The following MRPS18A variants were observed in gnomAD, a reference collection of about 807,000 sequenced individuals.
MRPS18A encodes the protein large ribosomal subunit protein mL66.
In MRPS18A, 20 loss-of-function variants were observed where a neutral mutation model predicts 22.7. That is an observed-to-expected ratio of 0.88 (90% CI 0.62 to 1.28). The LOEUF is 1.28. Among genes scored for constraint, MRPS18A ranks in the 50% most tolerant of loss-of-function variants. MRPS18A has a pLI of 0.00. For missense variants in MRPS18A, 294 were observed against 262.6 expected (o/e 1.12, Z -0.83); for synonymous variants, 106 against 99.1 (o/e 1.07, Z -0.41).
intron 5 of MRPS18A, chr6:43,672,422 G>A (rs752346385): frequency 1.5e-5 from 7 of 471,150 alleles, no homozygotes; most frequent in Non-Finnish European, 2.6e-5. Flanking sequence ...GCCCGTGGGC[G>A]CAGCCCTAGC....
At chr6:43,686,358 T>C (rs558105633) in intron 1 of MRPS18A, among the ~76,000 whole-genome samples, 33 of 152,366 alleles carry the variant, frequency 2.2e-4, no homozygotes, top group Middle Eastern at 6.8e-3. Context: ...CTCTCTATCA[T>C]CTGCATGATT....
At chr6:43,675,793 T>C (rs1774022044) in intron 3 of MRPS18A, among the ~76,000 whole-genome samples, 176 bp from the exon 4 acceptor site, 1 of 151,950 alleles carries the variant, frequency 6.6e-6, no homozygotes, top group Non-Finnish European at 1.5e-5. Flanking sequence ...CAAAGGTTAA[T>C]CCCAACTTAG....
chr6:43,680,599 T>A (rs1307077513), intron 2 of MRPS18A, among the ~76,000 whole-genome samples: 2 of 152,192 alleles, frequency 1.3e-5, no homozygotes, highest in Admixed American at 1.3e-4. Context: ...TGTTCCAACT[T>A]TCTTACCAAC....
chr6:43,678,759 G>A lies in MRPS18A; in HGVS notation c.145-134C>T, dbSNP rs1774212969. ...GGGGTTCTTGTGGGAGTAGCTAAGA[G>A]GTTTCTCTGCCTGAACTGTGGTGTT... On this transcript the variant is annotated intron_variant, in intron 2 of 5. Transcript: ENST00000372133. 15 of 646,474 alleles carry A rather than the reference G, an allele frequency of 2.3e-5. No homozygotes were observed. The South Asian group carries it at 2.5e-4, about 11-fold the overall frequency. The allele number at this position is 646,474 out of a possible 1,614,324, so 40.0% of individuals were successfully genotyped here. A position where few individuals can be genotyped will look rare whatever the true frequency, so the allele number is the denominator to read the frequency against.
chr6:43,681,203 T>C (rs886398718), intron 1 of MRPS18A, 83 bp from the exon 2 acceptor site: 5 of 1,433,138 alleles, frequency 3.5e-6, no homozygotes. Flanking sequence ...ATTCTACACA[T>C]CTGGAAAAAA....
chr6:43,687,228 G>A (rs1774755912), intron 1 of MRPS18A, among the ~76,000 whole-genome samples: 1 of 152,166 alleles, frequency 6.6e-6, no homozygotes, highest in Non-Finnish European at 1.5e-5. Context: ...GGCAGAGAAC[G>A]CCGCCATCAG....
At chr6:43,682,115 C>T (rs1298150550) in intron 1 of MRPS18A, among the ~76,000 whole-genome samples, 1 of 152,094 alleles carries the variant, frequency 6.6e-6, no homozygotes, top group East Asian at 1.9e-4. Flanking sequence ...GACCAGCCTG[C>T]GCAATGTGGC....
At chr6:43,680,462 A>G (rs1219621219) in intron 2 of MRPS18A, among the ~76,000 whole-genome samples, 1 of 152,194 alleles carries the variant, frequency 6.6e-6, no homozygotes, top group Non-Finnish European at 1.5e-5. Context: ...GGAGGCATAG[A>G]AGGCCATGTG....
chr6:43,671,514 G>A lies in MRPS18A; in HGVS notation c.*248C>T. On this transcript the variant is annotated 3_prime_UTR_variant, in exon 6 of 6. Transcript: ENST00000372133. ...GCAAAACTCCTGTCCCCAGCACTGA[G>A]CATGGCCTAAGCCCCATAGCAGCTG... 1 of 562,654 alleles carries A rather than the reference G, an allele frequency of 1.8e-6. No homozygotes were observed. The highest frequency in any genetic ancestry group is 2.0e-5 in the South Asian group (1 of 49,566). 34.9% of individuals were successfully genotyped at this position (562,654 alleles called of 1,614,324 possible).
intron 3 of MRPS18A, 150 bp downstream of exon 3, chr6:43,678,368 G>A: frequency 1.6e-6 from 1 of 617,186 alleles, no homozygotes; most frequent in Non-Finnish European, 2.9e-6. Flanking sequence ...TGTGCAGCCA[G>A]GGTTGAGAAC....
chr6:43,675,618 CT>C lies in MRPS18A; in HGVS notation c.253-2del, dbSNP rs866864847. On this transcript the variant is annotated splice_acceptor_variant, in intron 3 of 5. Transcript: ENST00000372133. LOFTEE classifies it high-confidence loss of function. ...TGAACTGGCTAAGCAGCAGAACATC[CT>C]AGTGGAAACCGAAAATAGGGGATGA... The C allele has an allele frequency of 1.2e-6, 2 of 1,602,368 alleles. No individual in the cohort carries two copies. The highest frequency in any genetic ancestry group is 1.3e-5 in the African/African-American group (1 of 74,654).
intron 3 of MRPS18A, 109 bp downstream of exon 3, chr6:43,678,409 T>C (rs1345896893): frequency 2.5e-6 from 2 of 806,518 alleles, no homozygotes; most frequent in South Asian, 3.0e-5. Context: ...TCTCTGGTGG[T>C]TCCATGAAAT....
At position 43,678,624 on chromosome 6, in the gene MRPS18A, A is replaced by C; in HGVS notation, c.146T>G (p.Ile49Ser). Residue 49 changes from isoleucine to serine, a missense_variant and splice_region_variant, in exon 3 of 6, where the codon ATT (isoleucine) becomes AGT (serine). Ile to Ser is a moderately radical substitution (Grantham distance 142). Coordinates refer to ENST00000372133, the MANE Select transcript of MRPS18A (RefSeq NM_018135.4). ...GGGAGTCGCTGTGATACGGCCTTCA[A>C]TCTAGGAGACAGAGAAAGTGAGCCA... Reference protein sequence around the residue: ...VETQEGKTTIIEGRITATPKE... With the variant: ...VETQEGKTTISEGRITATPKE... 1 of 1,610,664 alleles carries C rather than the reference A, an allele frequency of 6.2e-7. No homozygotes were observed. Among genetic ancestry groups the C allele is most frequent in the African/African-American group, 1.3e-5 (1 of 74,954 alleles).
At position 43,671,671 on chromosome 6, in the gene MRPS18A, G is replaced by A; in HGVS notation, c.*91C>T. 2 of 1,483,958 alleles carry A rather than the reference G, an allele frequency of 1.3e-6. No individual in the cohort carries two copies. Among genetic ancestry groups the A allele is most frequent in the Non-Finnish European group, 9.4e-7 (1 of 1,069,008 alleles). The allele number at this position is 1,483,958 out of a possible 1,614,324, so 91.9% of individuals were successfully genotyped here. A position where few individuals can be genotyped will look rare whatever the true frequency, so the allele number is the denominator to read the frequency against. On this transcript the variant is annotated 3_prime_UTR_variant, in exon 6 of 6. Transcript: ENST00000372133. ...GGACCAGGCCATCGTGGTGGGGTGG[G>A]ACAGGAGTATAGTTGTGGCCAAGGG...
At chr6:43,675,955 G>A (rs1470026127) in intron 3 of MRPS18A, among the ~76,000 whole-genome samples, 2 of 151,818 alleles carry the variant, frequency 1.3e-5, no homozygotes, top group Admixed American at 1.3e-4. Context: ...CCAATCTCTT[G>A]CTCAAGTGAT....
intron 1 of MRPS18A, among the ~76,000 whole-genome samples, chr6:43,682,221 C>T (rs1774458384): frequency 6.6e-6 from 1 of 152,188 alleles, no homozygotes; most frequent in South Asian, 2.1e-4. Context: ...ACTGCTTGAG[C>T]CCAGGAGGTT....
intron 5 of MRPS18A, chr6:43,672,235 C>T (rs1272060775): frequency 1.4e-5 from 6 of 436,416 alleles, no homozygotes; most frequent in Non-Finnish European, 2.7e-5. Flanking sequence ...CAGATCATTC[C>T]TCTCTGGCCT....
rs755932363 is a variant in MRPS18A, at chr6:43,678,517, C to T, written c.252+1G>A. On this transcript the variant is annotated splice_donor_variant, in intron 3 of 5. Coordinates refer to ENST00000372133, the MANE Select transcript of MRPS18A (RefSeq NM_018135.4). LOFTEE classifies it high-confidence loss of function. ...CCGAGTGTCTCTGTACCCAGACTCACGTCATAGTTATACTTGTGCTTCAGG... is the reference window on the plus strand; with the variant it reads ...CCGAGTGTCTCTGTACCCAGACTCATGTCATAGTTATACTTGTGCTTCAGG... The T allele has an allele frequency of 3.7e-6, 6 of 1,605,324 alleles. No homozygotes were observed. Among genetic ancestry groups the T allele is most frequent in the Admixed American group, 3.3e-5 (2 of 59,958 alleles).
At chr6:43,671,978 A>T (rs753850931) in intron 5 of MRPS18A, 72 bp from the exon 6 acceptor site, 135 of 1,472,776 alleles carry the variant, frequency 9.2e-5, no homozygotes, top group Non-Finnish European at 1.1e-4. Context: ...GTGGAGCACT[A>T]CCTCCTCAGG....
Sources: allele counts gnomAD v4.1 joint callset (sites outside exome capture counted in the v4.1 genomes callset), GRCh38; gene constraint gnomAD v4.1.1; transcripts MANE v1.5; gene names NCBI Gene and HGNC (gene_info 2026-07-23, HGNC 2026-07-21).